TBC1D5: variants seen among roughly 807,000 people sequenced by gnomAD.
The protein encoded by TBC1D5 is TBC1 domain family member 5.
In TBC1D5, 75 loss-of-function variants were observed where a neutral mutation model predicts 100.3. The ratio of observed to expected loss-of-function variants is 0.75; its 90% CI spans 0.62 to 0.91. TBC1D5 has a LOEUF of 0.91. Among genes scored for constraint, TBC1D5 ranks in the 40% least tolerant of loss-of-function variants. The probability of loss-of-function intolerance (pLI) is 0.00; values close to 1 mark genes in which losing one functional copy is unlikely to be tolerated. For synonymous variants in TBC1D5, 323 were observed against 325.6 expected, an observed-to-expected ratio of 0.99 and a Z score of 0.09; for missense variants, 910 against 942.4, an observed-to-expected ratio of 0.97 and a Z score of 0.45.
At chr3:17,605,265 A>G (rs1422242918) in intron 2 of TBC1D5, among the ~76,000 whole-genome samples, 1 of 152,244 alleles carries the variant, frequency 6.6e-6, no homozygotes, top group Admixed American at 6.5e-5. Context: ...AGTATTAGTC[A>G]CATAGTATTA....
intron 2 of TBC1D5, among the ~76,000 whole-genome samples, chr3:17,550,677 A>G (rs1287390263): frequency 6.6e-6 from 1 of 152,202 alleles, no homozygotes; most frequent in African/African-American, 2.4e-5. Flanking sequence ...ATGTCATAAA[A>G]TAATTTCAAA....
At chr3:17,655,462 T>C (rs2065973573) in intron 1 of TBC1D5, among the ~76,000 whole-genome samples, 1 of 145,782 alleles carries the variant, frequency 6.9e-6, no homozygotes, top group Admixed American at 6.9e-5. Context: ...ATAATAATAA[T>C]TAAATTAAAT....
At chr3:17,476,697 ACT>A (rs1360870120) in intron 3 of TBC1D5, among the ~76,000 whole-genome samples, 3 of 151,866 alleles carry the variant, frequency 2.0e-5, no homozygotes, top group Admixed American at 1.3e-4. Flanking sequence ...AAACCTAATA[ACT>A]CTGTGACAAT....
At chr3:17,561,399 A>G (rs2096558092) in intron 2 of TBC1D5, among the ~76,000 whole-genome samples, 1 of 152,204 alleles carries the variant, frequency 6.6e-6, no homozygotes, top group South Asian at 2.1e-4. Context: ...ACAAAAGAAA[A>G]TATAACAAAT....
chr3:17,644,600 T>C (rs1364796068), intron 1 of TBC1D5, among the ~76,000 whole-genome samples: 1 of 152,136 alleles, frequency 6.6e-6, no homozygotes, highest in Non-Finnish European at 1.5e-5. Context: ...AGTTTCCTTC[T>C]GCACATTCAA....
chr3:17,281,875 T>TA (rs2080640257), intron 15 of TBC1D5, among the ~76,000 whole-genome samples: 1 of 152,290 alleles, frequency 6.6e-6, no homozygotes, highest in Middle Eastern at 3.4e-3. Context: ...ACCACTATAT[T>TA]AAAAAAAGTG....
chr3:17,653,641 T>C (rs1053043287), intron 1 of TBC1D5, among the ~76,000 whole-genome samples: 3 of 152,052 alleles, frequency 2.0e-5, no homozygotes, highest in African/African-American at 7.2e-5. Context: ...AAACAGGAAA[T>C]GGTGGAAAAA....
chr3:17,408,986 TATCTC>T (rs1217974066), intron 4 of TBC1D5, among the ~76,000 whole-genome samples: 1 of 152,192 alleles, frequency 6.6e-6, no homozygotes, highest in Admixed American at 6.6e-5. Flanking sequence ...TATATACTGA[TATCTC>T]ATAATGTTCA....
At chr3:17,462,171 G>A (rs1369811582) in intron 3 of TBC1D5, among the ~76,000 whole-genome samples, 2 of 151,842 alleles carry the variant, frequency 1.3e-5, no homozygotes, top group Non-Finnish European at 2.9e-5. Context: ...TTTATACTCT[G>A]AGTCTTTTGG....
intron 2 of TBC1D5, among the ~76,000 whole-genome samples, chr3:17,531,821 T>C (rs2096230561): frequency 1.3e-5 from 2 of 152,312 alleles, no homozygotes; most frequent in South Asian, 2.1e-4. Flanking sequence ...TTACACTTTA[T>C]ACAAAAATTA....
At chr3:17,170,470 G>T (rs555445498) in intron 19 of TBC1D5, among the ~76,000 whole-genome samples, 1 of 152,300 alleles carries the variant, frequency 6.6e-6, no homozygotes, top group South Asian at 2.1e-4. Context: ...TGCAGAAACC[G>T]ATGTAAGCTC....
chr3:17,551,980 G>C (rs909465490), intron 2 of TBC1D5, among the ~76,000 whole-genome samples: 1 of 151,926 alleles, frequency 6.6e-6, no homozygotes, highest in East Asian at 1.9e-4. Flanking sequence ...AACACATATG[G>C]TATGTGTTGA....
At chr3:17,736,620 C>T (rs2076983857) in intron 1 of TBC1D5, among the ~76,000 whole-genome samples, 2 of 152,178 alleles carry the variant, frequency 1.3e-5, no homozygotes, top group South Asian at 2.1e-4. Flanking sequence ...ATCCACTATC[C>T]CATCCCAGGA....
chr3:17,697,098 C>T (rs1435892026), intron 1 of TBC1D5, among the ~76,000 whole-genome samples: 1 of 152,192 alleles, frequency 6.6e-6, no homozygotes, highest in Admixed American at 6.5e-5. Context: ...ATTGATGGAA[C>T]ATATCACAAA....
At chr3:17,218,949 A>C (rs1026825537) in intron 17 of TBC1D5, among the ~76,000 whole-genome samples, 9 of 151,806 alleles carry the variant, frequency 5.9e-5, no homozygotes, top group Non-Finnish European at 1.2e-4. Flanking sequence ...GCTTTTCATA[A>C]AAATTGTGAA....
At chr3:17,503,327 C>A (rs2095807118) in intron 3 of TBC1D5, among the ~76,000 whole-genome samples, 1 of 149,550 alleles carries the variant, frequency 6.7e-6, no homozygotes, top group Non-Finnish European at 1.5e-5. Flanking sequence ...TCCACCATTA[C>A]CACAGTTGGA....
intron 2 of TBC1D5, among the ~76,000 whole-genome samples, chr3:17,617,949 G>A (rs1054618311): frequency 1.6e-4 from 25 of 152,312 alleles, no homozygotes; most frequent in African/African-American, 5.5e-4. Context: ...TTGCTGGCAA[G>A]GAGCTGCGAT....
chr3:17,569,545 C>A (rs1387039456), intron 2 of TBC1D5, among the ~76,000 whole-genome samples: 1 of 151,480 alleles, frequency 6.6e-6, no homozygotes, highest in Non-Finnish European at 1.5e-5. Context: ...AATAAATTTA[C>A]ATAAATATAA....
intron 2 of TBC1D5, among the ~76,000 whole-genome samples, chr3:17,563,234 G>T (rs1350200871): frequency 6.6e-6 from 1 of 152,192 alleles, no homozygotes; most frequent in Non-Finnish European, 1.5e-5. Flanking sequence ...TCAAATTTGA[G>T]GATCCATCAT....
Sources: allele counts gnomAD v4.1 joint callset (sites outside exome capture counted in the v4.1 genomes callset), GRCh38; gene constraint gnomAD v4.1.1; transcripts MANE v1.5; gene names NCBI Gene and HGNC (gene_info 2026-07-23, HGNC 2026-07-21).